TAFA1: variants seen among roughly 807,000 people sequenced by gnomAD.
TAFA1 encodes the protein chemokine-like protein TAFA-1.
Under a neutral mutation model 18.5 loss-of-function variants are expected in TAFA1, and 4 were observed. That is an observed-to-expected ratio of 0.22 (90% CI 0.11 to 0.49). The LOEUF is 0.49. Among genes scored for constraint, TAFA1 ranks in the 20% least tolerant of loss-of-function variants. TAFA1 has a pLI of 0.98. For synonymous variants in TAFA1, 56 were observed against 55.2 expected, an observed-to-expected ratio of 1.01 and a Z score of -0.06; for missense variants, 147 against 169.0, an observed-to-expected ratio of 0.87 and a Z score of 0.72.
At chr3:68,175,601 G>A (rs1293273969) in intron 2 of TAFA1, among the ~76,000 whole-genome samples, 1 of 152,132 alleles carries the variant, frequency 6.6e-6, no homozygotes, top group Non-Finnish European at 1.5e-5. Flanking sequence ...CTCCCGTTTG[G>A]AATGGTTGTA....
At position 68,540,155 on chromosome 3, in the gene TAFA1, T is replaced by A. The variant is rs143019180; in HGVS notation, c.384+1275T>A. Among the ~76,000 whole-genome samples, 56 of 152,304 alleles carry A rather than the reference T, an allele frequency of 3.7e-4. No individual in the cohort carries two copies. The East Asian group carries it at 9.3e-3, about 25-fold the overall frequency. On this transcript the variant is annotated intron_variant, in intron 4 of 4. Transcript: ENST00000478136. ...ATGCTACATAATACTATATAAAACT[T>A]ATTTTTCACATATAAAATAGGTGAA...
intron 3 of TAFA1, among the ~76,000 whole-genome samples, chr3:68,430,748 T>G: frequency 6.6e-6 from 1 of 151,994 alleles, no homozygotes; most frequent in East Asian, 1.9e-4. Context: ...TGCTGTCACC[T>G]GAATGTCTCA....
chr3:68,162,178 G>C (rs563391671), intron 2 of TAFA1, among the ~76,000 whole-genome samples: 1 of 152,074 alleles, frequency 6.6e-6, no homozygotes, highest in Non-Finnish European at 1.5e-5. Flanking sequence ...CAGGATCAAA[G>C]GTTCCTCAAC....
At chr3:68,300,726 A>G (rs1220747847) in intron 2 of TAFA1, among the ~76,000 whole-genome samples, 5 of 152,116 alleles carry the variant, frequency 3.3e-5, no homozygotes, top group African/African-American at 1.2e-4. Context: ...GGTGGAGGTA[A>G]TTGAATCATG....
intron 2 of TAFA1, chr3:68,246,915 G>A (rs944350369): frequency 2.0e-5 from 3 of 152,124 alleles, no homozygotes; most frequent in Non-Finnish European, 4.4e-5. Context: ...ATAAATGTTA[G>A]AACATGGAAT....
chr3:68,409,090 T>C (rs559268930), intron 2 of TAFA1, among the ~76,000 whole-genome samples: 1 of 152,252 alleles, frequency 6.6e-6, no homozygotes, highest in East Asian at 1.9e-4. Context: ...TAACTCACAG[T>C]ATGGTTCAGG....
chr3:68,500,255 A>G (rs571235519), intron 3 of TAFA1, among the ~76,000 whole-genome samples: 1 of 152,154 alleles, frequency 6.6e-6, no homozygotes, highest in Non-Finnish European at 1.5e-5. Flanking sequence ...ACTCTCCATC[A>G]TGAAGGACCT....
At chr3:68,457,566 G>A (rs2071688357) in intron 3 of TAFA1, among the ~76,000 whole-genome samples, 1 of 151,906 alleles carries the variant, frequency 6.6e-6, no homozygotes, top group Admixed American at 6.6e-5. Flanking sequence ...ACTACAACAT[G>A]TTGTTTTGAA....
chr3:68,120,161 CTCTTTCTTTCTCTTTCTTTCTT>C (rs2065371838), intron 2 of TAFA1, among the ~76,000 whole-genome samples: 32 of 142,040 alleles, frequency 2.3e-4, no homozygotes, highest in South Asian at 6.7e-4. Context: ...TTCTTTCTTT[CTCTTTCTTTCTCTTTCTTTCTT>C]TCTTTCTTTC....
intron 2 of TAFA1, among the ~76,000 whole-genome samples, chr3:68,176,817 T>C (rs2066132647): frequency 6.6e-6 from 1 of 152,198 alleles, no homozygotes; most frequent in African/African-American, 2.4e-5. Context: ...ATTTTGGGGC[T>C]TAAAACTCCA....
chr3:68,415,141 T>C (rs1211659809), intron 2 of TAFA1, among the ~76,000 whole-genome samples: 1 of 152,214 alleles, frequency 6.6e-6, no homozygotes, highest in Non-Finnish European at 1.5e-5. Context: ...TTCTTTCTTC[T>C]AGTCATTGTT....
At chr3:68,024,805 G>GCACACGCA (rs1553546130) in intron 2 of TAFA1, among the ~76,000 whole-genome samples, 2 of 73,582 alleles carry the variant, frequency 2.7e-5, no homozygotes, top group Non-Finnish European at 5.7e-5. Context: ...TCTCCTTAAT[G>GCACACGCA]CACACACACA....
chr3:68,387,573 C>T (rs758983673), intron 2 of TAFA1, among the ~76,000 whole-genome samples: 6 of 152,050 alleles, frequency 3.9e-5, no homozygotes, highest in Middle Eastern at 3.2e-3. Context: ...AACTCTGAGC[C>T]AGACATTATG....
rs1268491999 is a variant in TAFA1 at position 68,248,389 on chromosome 3, AGAC to A, written c.119-168890_119-168888del. On this transcript the variant is annotated intron_variant, in intron 2 of 4. Transcript: ENST00000478136. ...TAATTGTAGATCATTAGTGGGGAAA[AGAC>A]TTCAATTTGCCTTAGGCTTGATGTT... 8.2e-3 allele frequency among the ~76,000 whole-genome samples: 1,252 copies of A among 152,254 alleles called. 23 individuals carry two copies. Among genetic ancestry groups the A allele is most frequent in the African/African-American group, 0.028 (1,168 of 41,546 alleles).
At chr3:68,117,027 G>T (rs2065332885) in intron 2 of TAFA1, among the ~76,000 whole-genome samples, 1 of 152,166 alleles carries the variant, frequency 6.6e-6, no homozygotes, top group Admixed American at 6.5e-5. Flanking sequence ...CGTAGAGTGG[G>T]CTCTCTACAT....
At chr3:68,286,476 A>T (rs1022882592) in intron 2 of TAFA1, among the ~76,000 whole-genome samples, 1 of 152,070 alleles carries the variant, frequency 6.6e-6, no homozygotes, top group Admixed American at 6.6e-5. Context: ...TGGAATGGAC[A>T]AAAAGAGCTA....
At chr3:68,007,086 CT>C (rs1454682361) in intron 2 of TAFA1, among the ~76,000 whole-genome samples, 50 of 152,326 alleles carry the variant, frequency 3.3e-4, no homozygotes, top group South Asian at 6.2e-4. Flanking sequence ...ATTTTACCTA[CT>C]ATAATCTTGG....
intron 2 of TAFA1, among the ~76,000 whole-genome samples, chr3:68,130,747 T>C (rs890283258): frequency 3.9e-5 from 6 of 152,188 alleles, no homozygotes; most frequent in Admixed American, 3.3e-4. Context: ...CCTCAGGACC[T>C]TTGCACCTCT....
intron 2 of TAFA1, among the ~76,000 whole-genome samples, chr3:68,115,839 A>C (rs76746308): frequency 0.043 from 6,569 of 152,292 alleles, 449 homozygotes; most frequent in African/African-American, 0.15. Context: ...GGGATGAATT[A>C]GAATTGCTTG....
Sources: gnomAD v4.1 joint callset for allele counts (sites outside exome capture counted in the v4.1 genomes callset) on GRCh38, gnomAD v4.1.1 for gene constraint, MANE v1.5 for transcripts, NCBI Gene and HGNC (gene_info 2026-07-23, HGNC 2026-07-21) for gene names.